UBE2D2: variants seen among roughly 807,000 people sequenced by gnomAD.
UBE2D2 encodes the protein ubiquitin conjugating enzyme E2 D2.
A neutral mutation model predicts 24.2 loss-of-function variants in UBE2D2; 2 were observed. That is an observed-to-expected ratio of 0.08 (90% CI 0.03 to 0.26). The LOEUF (loss-of-function observed/expected upper bound fraction) is 0.26, where lower values mean the gene tolerates loss of function less well. Ranked by LOEUF, UBE2D2 falls within the 10% of genes least tolerant of loss-of-function variation. The probability of loss-of-function intolerance (pLI) is 1.00; values close to 1 mark genes in which losing one functional copy is unlikely to be tolerated. For synonymous variants in UBE2D2, 58 were observed against 56.5 expected, an observed-to-expected ratio of 1.03 and a Z score of -0.12; for missense variants, 44 against 177.6, an observed-to-expected ratio of 0.25 and a Z score of 4.28.
chr5:139,614,842 G>A lies in UBE2D2; in HGVS notation c.199-19G>A. The A allele has an allele frequency of 6.2e-7, 1 of 1,612,652 alleles. No individual in the cohort carries two copies. Among genetic ancestry groups the A allele is most frequent in the Non-Finnish European group, 8.5e-7 (1 of 1,179,458 alleles). ...ATACTAATAAACTAGTTTACAGAAA[G>A]TTTCCTTTCTTTCTGTAGGTTGCAT... is the stretch of plus-strand genomic sequence containing the variant. On this transcript the variant is annotated intron_variant, in intron 4 of 6. Transcript: ENST00000398733.
At chr5:139,608,873 T>G (rs892061288) in intron 2 of UBE2D2, among the ~76,000 whole-genome samples, 6 of 151,606 alleles carry the variant, frequency 4.0e-5, no homozygotes, top group African/African-American at 1.5e-4. Flanking sequence ...TCACCTGAAG[T>G]CAGGAGTTCG....
chr5:139,605,610 A>G lies in UBE2D2; in HGVS notation c.88+5175A>G, dbSNP rs1434169298. ...CTGTCTCAAAAAAAAAAAAAAAAAA[A>G]AAAAGAAAAGAAAGAAACAAATAAG... On this transcript the variant is annotated intron_variant, in intron 2 of 6. Coordinates refer to ENST00000398733, the MANE Select transcript of UBE2D2 (RefSeq NM_003339.3). Among the ~76,000 whole-genome samples the G allele has an allele frequency of 9.9e-4, 148 of 150,096 alleles. No homozygotes were observed. In the Middle Eastern group the frequency reaches 0.011, roughly 11 times the overall value.
At chr5:139,603,849 T>C in intron 2 of UBE2D2, among the ~76,000 whole-genome samples, 1 of 151,680 alleles carries the variant, frequency 6.6e-6, no homozygotes, top group Non-Finnish European at 1.5e-5. Flanking sequence ...TTTGGGAGGC[T>C]GAGGCAGGAG....
chr5:139,544,993 A>G (rs951389364), intron 1 of UBE2D2, among the ~76,000 whole-genome samples: 3 of 151,394 alleles, frequency 2.0e-5, no homozygotes, highest in Non-Finnish European at 4.4e-5. Flanking sequence ...GGTGGCCAGG[A>G]TGGTCTCGAT....
At chr5:139,555,359 T>TG (rs1243574185) in intron 1 of UBE2D2, among the ~76,000 whole-genome samples, 2 of 152,302 alleles carry the variant, frequency 1.3e-5, no homozygotes, top group Admixed American at 6.5e-5. Flanking sequence ...ATTTCCTTGA[T>TG]GATTAATGAA....
intron 6 of UBE2D2, among the ~76,000 whole-genome samples, chr5:139,626,123 C>T (rs1754620929): frequency 6.6e-6 from 1 of 151,798 alleles, no homozygotes; most frequent in Non-Finnish European, 1.5e-5. Flanking sequence ...GGCTATGGTA[C>T]AGTATTGCAA....
At chr5:139,587,602 G>A (rs533928561) in intron 1 of UBE2D2, among the ~76,000 whole-genome samples, 1 of 151,240 alleles carries the variant, frequency 6.6e-6, no homozygotes, top group East Asian at 1.9e-4. Context: ...GAACTTGGGA[G>A]GCGGAGCTTG....
intron 1 of UBE2D2, among the ~76,000 whole-genome samples, chr5:139,580,772 A>G (rs1338437372): frequency 6.6e-6 from 1 of 152,134 alleles, no homozygotes; most frequent in Non-Finnish European, 1.5e-5. Context: ...AAAATAAGCA[A>G]CACCCAGGTG....
At chr5:139,571,423 A>AC (rs1054474791) in intron 1 of UBE2D2, among the ~76,000 whole-genome samples, 1 of 151,638 alleles carries the variant, frequency 6.6e-6, no homozygotes, top group African/African-American at 2.4e-5. Flanking sequence ...AAAAAAAAAA[A>AC]CAAACACAGA....
intron 1 of UBE2D2, among the ~76,000 whole-genome samples, chr5:139,564,979 T>C (rs1410505014): frequency 2.6e-5 from 4 of 152,192 alleles, no homozygotes; most frequent in Admixed American, 2.6e-4. Context: ...TTCCTAGGCA[T>C]GGATAAGATC....
chr5:139,567,514 C>T (rs1753255317), intron 1 of UBE2D2, among the ~76,000 whole-genome samples: 1 of 150,018 alleles, frequency 6.7e-6, no homozygotes, highest in African/African-American at 2.5e-5. Context: ...CCACTGCACC[C>T]AGCCAATTTG....
intron 2 of UBE2D2, among the ~76,000 whole-genome samples, chr5:139,613,388 G>A (rs541105753): frequency 6.6e-6 from 1 of 152,288 alleles, no homozygotes; most frequent in East Asian, 1.9e-4. Context: ...AATGGTAAGT[G>A]TGCTAAGTAG....
intron 4 of UBE2D2, 33 bp from the exon 5 acceptor site, chr5:139,614,828 C>G: frequency 6.2e-7 from 1 of 1,611,260 alleles, no homozygotes; most frequent in Non-Finnish European, 8.5e-7. Flanking sequence ...TACTAATAAA[C>G]TAGTTTACAG....
intron 1 of UBE2D2, among the ~76,000 whole-genome samples, chr5:139,591,782 T>C (rs961467245): frequency 3.9e-5 from 6 of 152,326 alleles, no homozygotes; most frequent in African/African-American, 7.2e-5. Flanking sequence ...TTAAGTGTTA[T>C]GCTGGGAACA....
At chr5:139,576,878 C>A (rs1554077971) in intron 1 of UBE2D2, among the ~76,000 whole-genome samples, 1 of 149,176 alleles carries the variant, frequency 6.7e-6, no homozygotes, top group Non-Finnish European at 1.5e-5. Flanking sequence ...ACAAAAATCT[C>A]TGTCAGTTGG....
At chr5:139,563,886 G>C (rs1443434322) in intron 1 of UBE2D2, among the ~76,000 whole-genome samples, 1 of 151,744 alleles carries the variant, frequency 6.6e-6, no homozygotes, top group Admixed American at 6.6e-5. Context: ...AGTGAGCCGA[G>C]ATCGCGCCAC....
intron 1 of UBE2D2, chr5:139,554,949 C>G (rs922635263): frequency 1.3e-5 from 2 of 152,190 alleles, no homozygotes; most frequent in South Asian, 2.1e-4. Flanking sequence ...ACAAAGAAAT[C>G]TGTAACTGGT....
chr5:139,550,527 C>T (rs113492355), intron 1 of UBE2D2, among the ~76,000 whole-genome samples: 83 of 152,224 alleles, frequency 5.5e-4, no homozygotes, highest in South Asian at 1.5e-3. Context: ...AGGCTGCCTG[C>T]GCTAGTAGTG....
At chr5:139,591,859 G>A (rs1479752649) in intron 1 of UBE2D2, among the ~76,000 whole-genome samples, 1 of 152,152 alleles carries the variant, frequency 6.6e-6, no homozygotes, top group Admixed American at 6.6e-5. Flanking sequence ...GAGGCAGGGA[G>A]AATGCAGGTA....
Sources: allele counts gnomAD v4.1 joint callset (sites outside exome capture counted in the v4.1 genomes callset), GRCh38; gene constraint gnomAD v4.1.1; transcripts MANE v1.5; gene names NCBI Gene and HGNC (gene_info 2026-07-23, HGNC 2026-07-21).